Variants in CNNM2 observed in about 807,000 individuals in gnomAD.
CNNM2 encodes the protein cyclin and CBS domain divalent metal cation transport mediator 2.
A neutral mutation model predicts 66.9 loss-of-function variants in CNNM2; 12 were observed. The ratio of observed to expected loss-of-function variants is 0.18; its 90% CI spans 0.11 to 0.29. The LOEUF (loss-of-function observed/expected upper bound fraction) is 0.29, where lower values mean the gene tolerates loss of function less well. CNNM2 is among the 10% of genes least tolerant of loss of function. The pLI, the probability that CNNM2 is intolerant of heterozygous loss-of-function variation, is 1.00. For missense variants in CNNM2, 705 were observed against 1,167.7 expected, an observed-to-expected ratio of 0.60 and a Z score of 5.77; for synonymous variants, 557 against 501.8, an observed-to-expected ratio of 1.11 and a Z score of -1.47.
chr10:103,030,903 A>T (rs540026112), intron 1 of CNNM2, among the ~76,000 whole-genome samples: 1 of 152,340 alleles, frequency 6.6e-6, no homozygotes, highest in South Asian at 2.1e-4. Flanking sequence ...TTTGTGAAGA[A>T]GATGATAGGT....
chr10:102,922,765 A>G (rs1845697346), intron 1 of CNNM2, among the ~76,000 whole-genome samples: 1 of 151,912 alleles, frequency 6.6e-6, no homozygotes, highest in South Asian at 2.1e-4. Flanking sequence ...ACCTGGTGAC[A>G]CCCCGTGCCT....
intron 1 of CNNM2, among the ~76,000 whole-genome samples, chr10:102,986,840 G>A (rs1460212905): frequency 1.3e-5 from 2 of 151,924 alleles, no homozygotes; most frequent in Admixed American, 1.3e-4. Flanking sequence ...TAGAGGTGGT[G>A]ATTCAGCAGA....
At chr10:103,070,310 G>A (rs544318304) in intron 5 of CNNM2, among the ~76,000 whole-genome samples, 8 of 152,298 alleles carry the variant, frequency 5.3e-5, no homozygotes, top group Admixed American at 2.6e-4. Flanking sequence ...CAGGCAGGTC[G>A]TGTGGTGTTG....
rs2065764807 is a variant in CNNM2, at chr10:103,082,361, C to T, written c.*5181C>T. 1 of 152,170 alleles carries T rather than the reference C, an allele frequency of 6.6e-6. No individual in the cohort carries two copies. Among genetic ancestry groups the T allele is most frequent in the South Asian group, 2.1e-4 (1 of 4,820 alleles). The allele number at this position is 152,170 out of a possible 1,614,324, so 9.4% of individuals were successfully genotyped here. ...GTGCCTGCCTTTTTTGTTGGAGGCT[C>T]AGACTTCTAGAGCAGAGCAAAGTTG... is the stretch of plus-strand genomic sequence containing the variant. On this transcript the variant is annotated 3_prime_UTR_variant, in exon 8 of 8. Transcript: ENST00000369878.
chr10:102,941,861 G>A (rs1183473840), intron 1 of CNNM2, among the ~76,000 whole-genome samples: 1 of 152,080 alleles, frequency 6.6e-6, no homozygotes, highest in Non-Finnish European at 1.5e-5. Flanking sequence ...CTTGTTCACT[G>A]CTGCGTTGCC....
At chr10:102,940,879 G>A (rs183288054) in intron 1 of CNNM2, among the ~76,000 whole-genome samples, 1 of 151,994 alleles carries the variant, frequency 6.6e-6, no homozygotes, top group Admixed American at 6.5e-5. Context: ...CTGCCATCAC[G>A]CCTGGCCAAA....
At chr10:103,075,239 C>T (rs770195544) in intron 6 of CNNM2, among the ~76,000 whole-genome samples, 73 of 152,172 alleles carry the variant, frequency 4.8e-4, no homozygotes, top group Non-Finnish European at 9.3e-4. Context: ...TCCTGTGATA[C>T]GATGCAATTC....
At chr10:103,015,205 G>A (rs564567012) in intron 1 of CNNM2, among the ~76,000 whole-genome samples, 1 of 152,214 alleles carries the variant, frequency 6.6e-6, no homozygotes, top group African/African-American at 2.4e-5. Context: ...TTACCATTTC[G>A]AACCTGCTAT....
rs985804146 is a variant in CNNM2 at position 103,078,909 on chromosome 10, C to T, written c.*1729C>T. 3.9e-5 allele frequency: 6 copies of T among 152,800 alleles called. No individual in the cohort carries two copies. The highest frequency in any genetic ancestry group is 9.6e-5 in the African/African-American group (4 of 41,452). 9.5% of individuals were successfully genotyped at this position (152,800 alleles called of 1,614,324 possible). A position where few individuals can be genotyped will look rare whatever the true frequency, so the allele number is the denominator to read the frequency against. ...CTGCCTGGTGAGCAGTTTGGTGCCT[C>T]GGGTGTTGTGCATGCCCGGCTCAGT... On this transcript the variant is annotated 3_prime_UTR_variant, in exon 8 of 8. Coordinates refer to ENST00000369878, the MANE Select transcript of CNNM2 (RefSeq NM_017649.5).
At chr10:102,924,040 A>G (rs1020979910) in intron 1 of CNNM2, among the ~76,000 whole-genome samples, 1 of 152,250 alleles carries the variant, frequency 6.6e-6, no homozygotes, top group African/African-American at 2.4e-5. Context: ...ATTCCATGCA[A>G]GGAACCTTTC....
At chr10:102,953,046 T>C (rs2134193782) in intron 1 of CNNM2, among the ~76,000 whole-genome samples, 1 of 152,360 alleles carries the variant, frequency 6.6e-6, no homozygotes, top group South Asian at 2.1e-4. Flanking sequence ...AACCATTCTC[T>C]TAAGCCAGTT....
At chr10:102,996,454 C>G (rs2064006334) in intron 1 of CNNM2, among the ~76,000 whole-genome samples, 2 of 152,208 alleles carry the variant, frequency 1.3e-5, no homozygotes, top group Non-Finnish European at 2.9e-5. Context: ...CCTGTAATCC[C>G]AGCACCTTGG....
intron 1 of CNNM2, among the ~76,000 whole-genome samples, chr10:102,951,299 T>G (rs1431520350): frequency 6.6e-6 from 1 of 152,022 alleles, no homozygotes; most frequent in Non-Finnish European, 1.5e-5. Context: ...TGTGTTCAAG[T>G]GATCCTCCTG....
At chr10:102,984,278 C>T (rs1318130669) in intron 1 of CNNM2, among the ~76,000 whole-genome samples, 2 of 152,080 alleles carry the variant, frequency 1.3e-5, no homozygotes, top group Non-Finnish European at 2.9e-5. Context: ...AATTGTTTTA[C>T]TAGGGAGGAG....
intron 7 of CNNM2, 106 bp downstream of exon 7, chr10:103,076,376 A>G (rs2065691213): frequency 4.5e-6 from 5 of 1,122,310 alleles, no homozygotes. Flanking sequence ...TCCCTTTGTC[A>G]CTTTGTGGGT....
intron 1 of CNNM2, among the ~76,000 whole-genome samples, chr10:102,942,300 A>G (rs1330197920): frequency 6.6e-6 from 1 of 152,292 alleles, no homozygotes; most frequent in East Asian, 1.9e-4. Flanking sequence ...GAATCTCTAT[A>G]CCTATTAAAC....
At chr10:103,058,490 G>A (rs2134344544) in intron 4 of CNNM2, among the ~76,000 whole-genome samples, 1 of 152,138 alleles carries the variant, frequency 6.6e-6, no homozygotes, top group East Asian at 1.9e-4. Context: ...TGTTTATGAA[G>A]TTGTGATTCA....
At chr10:102,938,620 A>T in intron 1 of CNNM2, among the ~76,000 whole-genome samples, 1 of 7,694 alleles carries the variant, frequency 1.3e-4, no homozygotes, top group African/African-American at 8.2e-4. Flanking sequence ...ACCCTGTCTC[A>T]AAAAAAAAAA....
At chr10:102,927,929 AACC>A (rs1272564344) in intron 1 of CNNM2, among the ~76,000 whole-genome samples, 2 of 152,112 alleles carry the variant, frequency 1.3e-5, no homozygotes, top group Non-Finnish European at 2.9e-5. Context: ...CATCCTATTT[AACC>A]CTCCCTTGCT....
Sources: allele counts gnomAD v4.1 joint callset (sites outside exome capture counted in the v4.1 genomes callset), GRCh38; gene constraint gnomAD v4.1.1; transcripts MANE v1.5; gene names NCBI Gene and HGNC (gene_info 2026-07-23, HGNC 2026-07-21).